The following FRAS1 variants were observed in gnomAD, a reference collection of about 807,000 sequenced individuals.
The protein encoded by FRAS1 is Fraser extracellular matrix complex subunit 1.
FRAS1 carries 290 observed loss-of-function variants against 435.2 expected under a neutral mutation model. The observed-to-expected ratio is 0.67, with a 90% CI of 0.61 to 0.73. The LOEUF (loss-of-function observed/expected upper bound fraction) is 0.73. Among genes scored for constraint, FRAS1 ranks in the 30% least tolerant of loss-of-function variants. FRAS1 has a pLI of 0.00. For synonymous variants in FRAS1, 1,800 were observed against 1,851.0 expected (o/e 0.97, Z 0.71); for missense variants, 4,860 against 5,001.5 (o/e 0.97, Z 0.85).
At chr4:78,158,546 GA>G (rs891282211) in intron 2 of FRAS1, among the ~76,000 whole-genome samples, 10 of 151,532 alleles carry the variant, frequency 6.6e-5, no homozygotes, top group Admixed American at 2.0e-4. Flanking sequence ...GATATATGCT[GA>G]AAAAAAAGAG....
rs762850322 is a variant in FRAS1 at position 78,412,977 on chromosome 4, T to G, written c.4317T>G (p.Ser1439Arg). The change falls in exon 32 of 74, where the codon AGT (serine) becomes AGG (arginine). Residue 1439 changes from serine to arginine, a missense_variant. Physicochemically the swap from Ser to Arg is moderately radical, Grantham distance 110. Transcript: ENST00000512123. Reference sequence around the variant, plus strand: ...GATGACTTTCTTTTCAGGTGTCCAGTGCCTCCAATGCCCAGACCCGCCTGG... The same window carrying G: ...GATGACTTTCTTTTCAGGTGTCCAGGGCCTCCAATGCCCAGACCCGCCTGG... ...QSDSFRFEVSSASNAQTRLES... is the reference protein window; with the variant it reads ...QSDSFRFEVSRASNAQTRLES... The G allele has an allele frequency of 3.7e-6, 6 of 1,600,666 alleles. No individual in the cohort carries two copies. The highest frequency in any genetic ancestry group is 5.1e-6 in the Non-Finnish European group (6 of 1,173,804).
At chr4:78,129,662 A>ACTCTG (rs1719584255) in intron 2 of FRAS1, among the ~76,000 whole-genome samples, 1 of 152,198 alleles carries the variant, frequency 6.6e-6, no homozygotes, top group South Asian at 2.1e-4. Flanking sequence ...TCCAGAGTCT[A>ACTCTG]GAGAAGGAAA....
At chr4:78,182,491 C>A (rs2110052762) in intron 2 of FRAS1, among the ~76,000 whole-genome samples, 1 of 152,288 alleles carries the variant, frequency 6.6e-6, no homozygotes, top group East Asian at 1.9e-4. Context: ...TTCAGCAAAG[C>A]AGAGTGCAGG....
chr4:78,319,001 AG>A lies in FRAS1; in HGVS notation c.2137+16del. 6.2e-7 allele frequency: 1 copy of A among 1,613,260 alleles called. No homozygotes were observed. Among genetic ancestry groups the A allele is most frequent in the Non-Finnish European group, 8.5e-7 (1 of 1,179,382 alleles). On this transcript the variant is annotated intron_variant, in intron 18 of 73. Coordinates refer to ENST00000512123, the MANE Select transcript of FRAS1 (RefSeq NM_025074.7). ...CATATGTGAAGGTAAGCATGATTTGAGAAAGTGTTAGGTAGCCTCTGGGCTT... is the reference window on the plus strand; with the variant it reads ...CATATGTGAAGGTAAGCATGATTTGAAAAGTGTTAGGTAGCCTCTGGGCTT...
chr4:78,117,651 A>T (rs906868814), intron 2 of FRAS1, among the ~76,000 whole-genome samples: 7 of 152,126 alleles, frequency 4.6e-5, no homozygotes, highest in Non-Finnish European at 8.8e-5. Context: ...TTCATCATGT[A>T]GTTCTCGTGC....
chr4:78,533,266 G>A (rs192821922), intron 70 of FRAS1, among the ~76,000 whole-genome samples: 16 of 151,958 alleles, frequency 1.1e-4, no homozygotes, highest in South Asian at 4.1e-4. Context: ...TTTCTGTTTC[G>A]TCCACAGATG....
At chr4:78,509,935 C>G (rs1720977970) in intron 63 of FRAS1, among the ~76,000 whole-genome samples, 1 of 152,172 alleles carries the variant, frequency 6.6e-6, no homozygotes, top group Non-Finnish European at 1.5e-5. Context: ...TTTATTCCCA[C>G]TGTAATAAGA....
At chr4:78,363,347 T>C (rs1731149958) in intron 20 of FRAS1, among the ~76,000 whole-genome samples, 166 bp from the exon 21 acceptor site, 1 of 152,192 alleles carries the variant, frequency 6.6e-6, no homozygotes, top group Non-Finnish European at 1.5e-5. Flanking sequence ...ACACAATTTG[T>C]ACAGGTCCCA....
chr4:78,294,330 G>T (rs991217495), intron 14 of FRAS1, among the ~76,000 whole-genome samples: 3 of 152,188 alleles, frequency 2.0e-5, no homozygotes, highest in Non-Finnish European at 4.4e-5. Flanking sequence ...TAGACAATAG[G>T]CATTTAATTA....
At chr4:78,115,999 T>A (rs557623555) in intron 2 of FRAS1, among the ~76,000 whole-genome samples, 1 of 152,118 alleles carries the variant, frequency 6.6e-6, no homozygotes, top group African/African-American at 2.4e-5. Flanking sequence ...ACACTGCTTT[T>A]AATGTGTCCC....
At chr4:78,312,425 C>T (rs980222284) in intron 15 of FRAS1, among the ~76,000 whole-genome samples, 3 of 151,834 alleles carry the variant, frequency 2.0e-5, no homozygotes, top group African/African-American at 7.3e-5. Flanking sequence ...ATTTCTATGG[C>T]TTTGTAGTAT....
chr4:78,087,631 A>G (rs2109890121), intron 2 of FRAS1, among the ~76,000 whole-genome samples: 1 of 152,312 alleles, frequency 6.6e-6, no homozygotes, highest in East Asian at 1.9e-4. Flanking sequence ...TACACCAATA[A>G]CAGACAAACA....
In FRAS1 at chr4:78,488,379, C is replaced by A. The variant is rs1720238691; in HGVS notation, c.8753-496C>A. Among the ~76,000 whole-genome samples, 2 of 152,080 alleles carry A rather than the reference C, an allele frequency of 1.3e-5. 1 individual carries two copies. The highest frequency in any genetic ancestry group is 4.1e-4 in the South Asian group (2 of 4,828). ...CTTTTTAAACAGGGCCTACTCTTTC[C>A]TTTATACTTATGTCCCCACTCTTTC... On this transcript the variant is annotated intron_variant, in intron 58 of 73. Transcript: ENST00000512123.
At position 78,065,987 on chromosome 4, in the gene FRAS1, G is replaced by A. The variant is rs1369817230; in HGVS notation, c.79G>A (p.Ala27Thr). 1.2e-6 allele frequency: 2 copies of A among 1,606,364 alleles called. No homozygotes were observed. The highest frequency in any genetic ancestry group is 4.5e-5 in the East Asian group (2 of 44,792). ...TCTTGTTTTGTTTTTCCCCACAGGT[G>A]CTTGTGTCTATCAGGATTCCTTGTT... ...FAVLPHHSEG[A>T]CVYQDSLLAD... Residue 27 changes from alanine (A) to threonine (T), a missense_variant and splice_region_variant, in exon 2 of 74, where the codon GCT becomes ACT. Physicochemically the swap from Ala to Thr is moderately conservative, Grantham distance 58. Coordinates refer to ENST00000512123, the MANE Select transcript of FRAS1 (RefSeq NM_025074.7).
chr4:78,091,717 G>T (rs542331489), intron 2 of FRAS1, among the ~76,000 whole-genome samples: 1 of 151,896 alleles, frequency 6.6e-6, no homozygotes, highest in Admixed American at 6.6e-5. Context: ...CTATTCACAG[G>T]CAAGGTCATA....
chr4:78,266,774 C>T, intron 7 of FRAS1, 60 bp from the exon 8 acceptor site: 4 of 1,274,470 alleles, frequency 3.1e-6, no homozygotes, highest in South Asian at 2.6e-5. Flanking sequence ...TGTGACAGTG[C>T]TTCTATTTGA....
intron 2 of FRAS1, among the ~76,000 whole-genome samples, chr4:78,153,036 C>T (rs1464816380): frequency 6.6e-6 from 1 of 152,078 alleles, no homozygotes; most frequent in Non-Finnish European, 1.5e-5. Flanking sequence ...TGTAGTGTAA[C>T]AGCTCTCTTT....
At chr4:78,206,081 A>T (rs925858365) in intron 2 of FRAS1, among the ~76,000 whole-genome samples, 4 of 152,124 alleles carry the variant, frequency 2.6e-5, no homozygotes, top group African/African-American at 9.7e-5. Flanking sequence ...ATCACATAGA[A>T]CCATGTATAA....
intron 35 of FRAS1, among the ~76,000 whole-genome samples, chr4:78,426,948 A>G (rs1279046232): frequency 6.6e-6 from 1 of 152,206 alleles, no homozygotes; most frequent in Non-Finnish European, 1.5e-5. Context: ...TGATGTGACC[A>G]AAGCTCTTTA....
Sources: allele counts gnomAD v4.1 joint callset (sites outside exome capture counted in the v4.1 genomes callset), GRCh38; gene constraint gnomAD v4.1.1; transcripts MANE v1.5; gene names NCBI Gene and HGNC (gene_info 2026-07-23, HGNC 2026-07-21).